NCAPD3: variants seen among roughly 807,000 people sequenced by gnomAD.
The protein encoded by NCAPD3 is condensin-2 complex subunit D3.
In NCAPD3, 105 loss-of-function variants were observed where a neutral mutation model predicts 182.9. The ratio of observed to expected loss-of-function variants is 0.57; its 90% CI spans 0.49 to 0.68. The LOEUF (loss-of-function observed/expected upper bound fraction) is 0.68, where lower values mean the gene tolerates loss of function less well. Among genes scored for constraint, NCAPD3 ranks in the 30% least tolerant of loss-of-function variants. The probability of loss-of-function intolerance (pLI) is 0.00; values close to 1 mark genes in which losing one functional copy is unlikely to be tolerated. For synonymous variants in NCAPD3, 815 were observed against 679.9 expected, an observed-to-expected ratio of 1.20 and a Z score of -3.09; for missense variants, 1,944 against 1,837.0, an observed-to-expected ratio of 1.06 and a Z score of -1.07.
intron 16 of NCAPD3, among the ~76,000 whole-genome samples, chr11:134,192,211 A>G (rs964950201): frequency 2.6e-5 from 4 of 152,210 alleles, no homozygotes; most frequent in Non-Finnish European, 5.9e-5. Context: ...TGATTCCTCC[A>G]TCACAGATCC....
chr11:134,193,283 T>G (rs995004055), intron 15 of NCAPD3, among the ~76,000 whole-genome samples: 2 of 152,232 alleles, frequency 1.3e-5, no homozygotes, highest in Admixed American at 1.3e-4. Context: ...ATAAACATAC[T>G]TCTAAAATTC....
intron 13 of NCAPD3, among the ~76,000 whole-genome samples, chr11:134,201,007 G>A (rs572009196): frequency 3.4e-4 from 52 of 151,878 alleles, no homozygotes; most frequent in African/African-American, 1.1e-3. Flanking sequence ...GCATTTATGC[G>A]GAATGTCCAG....
In NCAPD3 at chr11:134,159,894, G is replaced by A; in HGVS notation, c.3865C>T (p.Gln1289Ter). ...AGTGCAGTGGGCCCCACACCTACCT[G>A]TGCCACAGGTGCCACCTCAGCACCT... Reference protein sequence around the residue: ...AGGAEVAPVAQVALCLETVPV... With the variant: ...AGGAEVAPVA Residue 1289 changes from glutamine to a stop codon, truncating the protein, a stop_gained and splice_region_variant, in exon 29 of 35, where the codon CAG becomes TAG. Transcript: ENST00000534548. LOFTEE classifies it high-confidence loss of function. 6.2e-7 allele frequency: 1 copy of A among 1,611,958 alleles called. No homozygotes were observed. Among genetic ancestry groups the A allele is most frequent in the African/African-American group, 1.3e-5 (1 of 75,054 alleles).
At chr11:134,168,830 A>G (rs553138104) in intron 25 of NCAPD3, 87 bp downstream of exon 25, 6 of 1,503,872 alleles carry the variant, frequency 4.0e-6, no homozygotes, top group Admixed American at 2.0e-5. Context: ...TCTGCGTCCA[A>G]TCACTACATG....
rs529415258 is a variant in NCAPD3, at chr11:134,202,760, C to A, written c.1615+56G>T. On this transcript the variant is annotated intron_variant, in intron 13 of 34. Transcript: ENST00000534548. ...AATCCAAGGTTTTAGACTCTACTTA[C>A]GGTTGTCTGAAATCCAGCAGTATTA... 5.4e-6 allele frequency: 7 copies of A among 1,296,788 alleles called. No homozygotes were observed. The East Asian group carries it at 7.0e-5, about 13-fold the overall frequency. The allele number at this position is 1,296,788 out of a possible 1,614,324, so 80.3% of individuals were successfully genotyped here.
chr11:134,154,619 G>GCCCCTCCTGGGTGGTGCAGCCTCA (rs1565513730), intron 32 of NCAPD3, among the ~76,000 whole-genome samples: 1 of 83,516 alleles, frequency 1.2e-5, no homozygotes, highest in East Asian at 4.1e-4. Context: ...GTGCAGCCTC[G>GCCCCTCCTGGGTGGTGCAGCCTCA]CCCCTCCTGG....
intron 14 of NCAPD3, among the ~76,000 whole-genome samples, chr11:134,194,464 A>G (rs1944585475): frequency 6.6e-6 from 1 of 152,248 alleles, no homozygotes; most frequent in Non-Finnish European, 1.5e-5. Context: ...TCTTAAAAAA[A>G]TCAGAAACCC....
At chr11:134,185,600 G>A (rs1348438339) in intron 16 of NCAPD3, 74 bp from the exon 17 acceptor site, 1 of 1,268,314 alleles carries the variant, frequency 7.9e-7, no homozygotes, top group African/African-American at 1.5e-5. Flanking sequence ...GAGCCTCACT[G>A]AAAGGGTATC....
intron 3 of NCAPD3, among the ~76,000 whole-genome samples, chr11:134,211,962 T>G (rs1327289406): frequency 2.0e-5 from 3 of 152,108 alleles, no homozygotes; most frequent in Admixed American, 2.0e-4. Context: ...AATTTCCAAG[T>G]TTGTTGAAAC....
intron 24 of NCAPD3, among the ~76,000 whole-genome samples, chr11:134,174,382 CAAAAAAAA>C (rs34533048): frequency 1.9e-4 from 10 of 53,636 alleles, no homozygotes; most frequent in Middle Eastern, 0.021. Context: ...GACCCTGTCT[CAAAAAAAA>C]AAAAAAAAAA....
At chr11:134,167,115 ACT>A (rs551069747) in intron 27 of NCAPD3, among the ~76,000 whole-genome samples, 1 of 108,664 alleles carries the variant, frequency 9.2e-6, no homozygotes, top group Admixed American at 9.7e-5. Flanking sequence ...GGAGCTGCAC[ACT>A]CACTTGTGAG....
intron 16 of NCAPD3, 29 bp downstream of exon 16, chr11:134,192,660 A>G (rs1166103064): frequency 6.3e-7 from 1 of 1,579,834 alleles, no homozygotes; most frequent in Non-Finnish European, 8.7e-7. Context: ...CTTCTTCTAT[A>G]GGGAACACAG....
rs185086106 is a variant in NCAPD3, at chr11:134,169,191, C to T, written c.3102-137G>A. The T allele has an allele frequency of 1.1e-5, 9 of 785,024 alleles. No homozygotes were observed. The South Asian group carries it at 2.5e-4, about 22-fold the overall frequency. The allele number at this position is 785,024 out of a possible 1,614,324, so 48.6% of individuals were successfully genotyped here. On this transcript the variant is annotated intron_variant, in intron 24 of 34. Coordinates refer to ENST00000534548, the MANE Select transcript of NCAPD3 (RefSeq NM_015261.3). ...TCAAAATCTATCCCAATAAACAGTT[C>T]CCTCGGATCCAAAGAAGACAGAAAT...
intron 13 of NCAPD3, among the ~76,000 whole-genome samples, chr11:134,202,075 GCT>G (rs1944761435): frequency 6.6e-6 from 1 of 152,224 alleles, no homozygotes; most frequent in African/African-American, 2.4e-5. Context: ...AAGAGATGGA[GCT>G]CTGTCTCACA....
chr11:134,198,080 C>A (rs1944674553), intron 13 of NCAPD3, among the ~76,000 whole-genome samples: 1 of 152,202 alleles, frequency 6.6e-6, no homozygotes, highest in Non-Finnish European at 1.5e-5. Context: ...TCCTCCTCAG[C>A]CAGGGCACTC....
chr11:134,167,294 T>TA (rs1943862408), intron 27 of NCAPD3, among the ~76,000 whole-genome samples: 1 of 99,142 alleles, frequency 1.0e-5, no homozygotes, highest in Non-Finnish European at 1.9e-5. Flanking sequence ...GAGATGAGCT[T>TA]GGGGGAGCAG....
At position 134,195,149 on chromosome 11, in the gene NCAPD3, G is replaced by A. The variant is rs554230349; in HGVS notation, c.1616-411C>T. Among the ~76,000 whole-genome samples the A allele has an allele frequency of 4.6e-5, 7 of 152,298 alleles. No individual in the cohort carries two copies. The South Asian group carries it at 1.5e-3, about 32-fold the overall frequency. ...GGGGTCTCATTCTGTCACCCAGGGT[G>A]GTGTACAGTGGTACAATCATAGCTC... On this transcript the variant is annotated intron_variant, in intron 13 of 34. Transcript: ENST00000534548.
At chr11:134,187,786 A>T (rs917164302) in intron 16 of NCAPD3, among the ~76,000 whole-genome samples, 1 of 152,156 alleles carries the variant, frequency 6.6e-6, no homozygotes, top group Admixed American at 6.5e-5. Flanking sequence ...ATTTCACTAG[A>T]CCAAGAGCAA....
At chr11:134,222,778 C>T (rs1162793075) in intron 1 of NCAPD3, among the ~76,000 whole-genome samples, 1 of 152,146 alleles carries the variant, frequency 6.6e-6, no homozygotes, top group Non-Finnish European at 1.5e-5. Context: ...CCAGCAAGCA[C>T]AGTGTAACAA....
Sources: gnomAD v4.1 joint callset for allele counts (sites outside exome capture counted in the v4.1 genomes callset) on GRCh38, gnomAD v4.1.1 for gene constraint, MANE v1.5 for transcripts, NCBI Gene and HGNC (gene_info 2026-07-23, HGNC 2026-07-21) for gene names.